CIMAP1D: variants seen among roughly 807,000 people sequenced by gnomAD.
CIMAP1D encodes protein CIMAP1D.
At chr19:484,244 G>A in the CIMAP1D span, among the ~76,000 whole-genome samples, 6 of 149,872 alleles carry the variant, frequency 4.0e-5, no homozygotes, top group South Asian at 4.2e-4. Context: ...GGGCTCAAGC[G>A]ATTCTGCTGC....
At chr19:472,608 T>G in the CIMAP1D span, 4 of 791,412 alleles carry the variant, frequency 5.1e-6, no homozygotes, top group Non-Finnish European at 7.6e-6. Context: ...CCCTCCATGG[T>G]GAGGATTGGG....
At chr19:474,866 C>T in the CIMAP1D span, 43 of 834,926 alleles carry the variant, frequency 5.2e-5, no homozygotes, top group South Asian at 1.1e-3. Flanking sequence ...TCACCACACC[C>T]TCCCACGACC....
At chr19:479,994 G>A in the CIMAP1D span, among the ~76,000 whole-genome samples, 2 of 152,216 alleles carry the variant, frequency 1.3e-5, no homozygotes, top group Non-Finnish European at 2.9e-5. Flanking sequence ...ACGGTCTCAG[G>A]CAGTAACTGT....
the CIMAP1D span, among the ~76,000 whole-genome samples, chr19:481,322 G>A: frequency 0.065 from 6,990 of 108,080 alleles, 1,097 homozygotes; most frequent in African/African-American, 0.26. Context: ...GAACGATGAT[G>A]GAGAAGGATG....
the CIMAP1D span, among the ~76,000 whole-genome samples, chr19:466,227 GATGA>G: frequency 1.5e-5 from 2 of 132,282 alleles, no homozygotes; most frequent in African/African-American, 2.9e-5. Flanking sequence ...TGGGTGGATG[GATGA>G]GTGGATGGAT....
chr19:472,439 T>A, the CIMAP1D span: 1 of 1,547,476 alleles, frequency 6.5e-7, no homozygotes, highest in Admixed American at 2.0e-5. Context: ...CTGGCCACCC[T>A]GGTGCAGTCG....
chr19:467,320 C>T, the CIMAP1D span, among the ~76,000 whole-genome samples: 2 of 151,726 alleles, frequency 1.3e-5, no homozygotes, highest in Non-Finnish European at 2.9e-5. Flanking sequence ...GTCAGGTGTG[C>T]GGGCAAACTG....
chr19:488,470 C>T, the CIMAP1D span, among the ~76,000 whole-genome samples: 1 of 151,632 alleles, frequency 6.6e-6, no homozygotes, highest in Non-Finnish European at 1.5e-5. Flanking sequence ...TGCGGTGAGC[C>T]GAGATGGCGC....
chr19:469,979 A>AG, the CIMAP1D span, among the ~76,000 whole-genome samples: 128,498 of 152,010 alleles, frequency 0.85, 54,528 homozygotes, highest in African/African-American at 0.93. Flanking sequence ...CAGCCTACAA[A>AG]CAGGCTCTGC....
At chr19:464,750 A>T in the CIMAP1D span, among the ~76,000 whole-genome samples, 1 of 152,190 alleles carries the variant, frequency 6.6e-6, no homozygotes, top group Non-Finnish European at 1.5e-5. Flanking sequence ...TCCCATAAAA[A>T]GGAAGGCATG....
At chr19:465,322 G>A in the CIMAP1D span, among the ~76,000 whole-genome samples, 1 of 151,072 alleles carries the variant, frequency 6.6e-6, no homozygotes, top group Non-Finnish European at 1.5e-5. Flanking sequence ...TGTGTAGATG[G>A]ATGGATGGAT....
chr19:489,993 CCCA>C, the CIMAP1D span: 1 of 398,400 alleles, frequency 2.5e-6, no homozygotes, highest in South Asian at 1.3e-4. Flanking sequence ...GAGCGGGAGC[CCCA>C]CGTCCGGCGG....
the CIMAP1D span, among the ~76,000 whole-genome samples, chr19:473,695 A>T: frequency 1.5e-5 from 2 of 132,726 alleles, no homozygotes; most frequent in Non-Finnish European, 3.1e-5. Context: ...ATGGTCACAG[A>T]TGGGGAAACT....
At chr19:464,403 C>G in the CIMAP1D span, 1 of 1,284,418 alleles carries the variant, frequency 7.8e-7, no homozygotes, top group Middle Eastern at 2.0e-4. Flanking sequence ...CTGATGTCCT[C>G]ACCTGCCCAG....
chr19:491,313 C>G, the CIMAP1D span, among the ~76,000 whole-genome samples: 7 of 152,266 alleles, frequency 4.6e-5, no homozygotes, highest in East Asian at 1.4e-3. Flanking sequence ...GTTTAGTGCC[C>G]TTTATGGTGT....
At chr19:484,135 TTTTC>T in the CIMAP1D span, among the ~76,000 whole-genome samples, 1 of 142,366 alleles carries the variant, frequency 7.0e-6, no homozygotes, top group African/African-American at 2.7e-5. Flanking sequence ...TTTCTTTTCT[TTTTC>T]TTTTTTTTTT....
chr19:473,713 A>G, the CIMAP1D span, among the ~76,000 whole-genome samples: 1 of 130,328 alleles, frequency 7.7e-6, no homozygotes, highest in African/African-American at 3.3e-5. Context: ...ACTGAGGCCC[A>G]GGCAGAGATA....
the CIMAP1D span, chr19:489,118 G>C: frequency 1.6e-4 from 24 of 151,692 alleles, no homozygotes; most frequent in African/African-American, 5.6e-4. Context: ...CCGCGCGGGA[G>C]CTGCCGGGAG....
At chr19:464,020 G>A in the CIMAP1D span, 53 of 1,605,852 alleles carry the variant, frequency 3.3e-5, no homozygotes, top group African/African-American at 1.7e-4. Context: ...TCCAGGGGTC[G>A]CGGGGCCCGG....
Sources: gnomAD v4.1 joint callset for allele counts (sites outside exome capture counted in the v4.1 genomes callset) on GRCh38, gnomAD v4.1.1 for gene constraint, MANE v1.5 for transcripts, NCBI Gene and HGNC (gene_info 2026-07-23, HGNC 2026-07-21) for gene names.